SF3B3: variants seen among roughly 807,000 people sequenced by gnomAD.
SF3B3 encodes SAP 130.
A neutral mutation model predicts 139.2 loss-of-function variants in SF3B3; 33 were observed. The observed-to-expected ratio is 0.24, with a 90% CI of 0.18 to 0.32. The LOEUF is 0.32. Among genes scored for constraint, SF3B3 ranks in the 10% least tolerant of loss-of-function variants. SF3B3 has a pLI of 1.00. For synonymous variants in SF3B3, 596 were observed against 563.6 expected (o/e 1.06, Z -0.81); for missense variants, 818 against 1,509.4 (o/e 0.54, Z 7.59).
intron 5 of SF3B3, among the ~76,000 whole-genome samples, chr16:70,533,655 A>G (rs183393997): frequency 1.3e-3 from 192 of 152,392 alleles, no homozygotes; most frequent in South Asian, 3.1e-3. Context: ...CTAAATGAGT[A>G]CAGCTACATT....
chr16:70,524,132 T>C lies in SF3B3; in HGVS notation c.-71+204T>C, dbSNP rs921871479. 26 of 361,522 alleles carry C rather than the reference T, an allele frequency of 7.2e-5. No individual in the cohort carries two copies. In the Admixed American group the frequency reaches 8.8e-4, roughly 12 times the overall value. The allele number at this position is 361,522 out of a possible 1,614,324, so 22.4% of individuals were successfully genotyped here. A position where few individuals can be genotyped will look rare whatever the true frequency, so the allele number is the denominator to read the frequency against. On this transcript the variant is annotated intron_variant, in intron 1 of 25. Transcript: ENST00000302516. ...CTTCCATCCACAGTGTGGGAACATA[T>C]TCTATCTCAAAATAGGGCTCGTGGA... is the stretch of plus-strand genomic sequence containing the variant.
intron 15 of SF3B3, among the ~76,000 whole-genome samples, chr16:70,560,024 T>C (rs2050414549): frequency 6.6e-6 from 1 of 152,228 alleles, no homozygotes; most frequent in South Asian, 2.1e-4. Flanking sequence ...GGGGTTTCCT[T>C]GCCTTGTTGC....
At chr16:70,537,997 G>T (rs558750731) in intron 6 of SF3B3, 65 of 543,784 alleles carry the variant, frequency 1.2e-4, no homozygotes, top group Non-Finnish European at 2.2e-4. Context: ...GGATGGAGCA[G>T]TGTTTCACAG....
At chr16:70,524,489 A>G (rs2050031219) in intron 1 of SF3B3, 1 of 152,286 alleles carries the variant, frequency 6.6e-6, no homozygotes, top group Non-Finnish European at 1.5e-5. Context: ...AATGGTAAAC[A>G]GACGTGGGGG....
chr16:70,524,399 G>T (rs993919002), intron 1 of SF3B3, among the ~76,000 whole-genome samples: 1 of 152,230 alleles, frequency 6.6e-6, no homozygotes, highest in African/African-American at 2.4e-5. Flanking sequence ...TTGCGTAATG[G>T]AGGACAGAGT....
At chr16:70,527,676 A>G (rs1308615701) in intron 2 of SF3B3, among the ~76,000 whole-genome samples, 2 of 152,236 alleles carry the variant, frequency 1.3e-5, no homozygotes, top group Non-Finnish European at 2.9e-5. Flanking sequence ...TGACTTCACT[A>G]TGTAATGCAA....
intron 15 of SF3B3, among the ~76,000 whole-genome samples, chr16:70,559,825 G>T (rs1397794871): frequency 6.6e-6 from 1 of 151,106 alleles, no homozygotes; most frequent in Non-Finnish European, 1.5e-5. Context: ...TTGGTCTTTA[G>T]CTCTTGGCCT....
chr16:70,570,893 C>T (rs911940913), intron 24 of SF3B3, among the ~76,000 whole-genome samples: 1 of 152,220 alleles, frequency 6.6e-6, no homozygotes, highest in Non-Finnish European at 1.5e-5. Context: ...TTCTCTCTTG[C>T]ACTGCAGACA....
intron 4 of SF3B3, 26 bp from the exon 5 acceptor site, chr16:70,532,453 A>G: frequency 6.2e-7 from 1 of 1,607,936 alleles, no homozygotes; most frequent in Non-Finnish European, 8.5e-7. Flanking sequence ...GCTGATGATT[A>G]GTTTTTATGC....
chr16:70,525,434 G>A (rs1055459080), intron 1 of SF3B3, among the ~76,000 whole-genome samples: 4 of 152,076 alleles, frequency 2.6e-5, no homozygotes, highest in African/African-American at 9.7e-5. Flanking sequence ...CTAGATTTGG[G>A]AAAAAATGAA....
rs1567429434 is a variant in SF3B3, at chr16:70,575,001, G to A, written c.*3188G>A. On this transcript the variant is annotated 3_prime_UTR_variant, in exon 26 of 26. Coordinates refer to ENST00000302516, the MANE Select transcript of SF3B3 (RefSeq NM_012426.5). ...TCACAACGGAGGAAAGGAATAGATG[G>A]CTCTCGAGGACAAGATAGGGACTCT... The A allele has an allele frequency of 6.6e-6, 1 of 152,062 alleles. No homozygotes were observed. The highest frequency in any genetic ancestry group is 2.4e-5 in the African/African-American group (1 of 41,400). 9.4% of individuals were successfully genotyped at this position (152,062 alleles called of 1,614,324 possible). A position where few individuals can be genotyped will look rare whatever the true frequency, so the allele number is the denominator to read the frequency against.
chr16:70,532,369 A>AAAAAAAAAAT, intron 4 of SF3B3, 110 bp from the exon 5 acceptor site: 2 of 880,798 alleles, frequency 2.3e-6, no homozygotes, highest in Non-Finnish European at 3.5e-6. Flanking sequence ...AAAAAAAAAG[A>AAAAAAAAAAT]AGACATTTGT....
chr16:70,555,141 G>A lies in SF3B3; in HGVS notation c.1645G>A (p.Val549Met), dbSNP rs770113076. 6.2e-7 allele frequency: 1 copy of A among 1,614,140 alleles called. No homozygotes were observed. The highest frequency in any genetic ancestry group is 8.5e-7 in the Non-Finnish European group (1 of 1,179,964). ...AAAGAAAACAATTGTGAAGTGTGCA[G>A]TGAACCAGCGACAAGTGGTGATTGC... ...PGKKTIVKCAVNQRQVVIALT... is the reference protein window; with the variant it reads ...PGKKTIVKCAMNQRQVVIALT... Residue 549 changes from valine (V) to methionine (M), a missense_variant, in exon 13 of 26, where the codon GTG (valine) becomes ATG (methionine). Val to Met is a conservative substitution (Grantham distance 21, BLOSUM62 1). Coordinates refer to ENST00000302516, the MANE Select transcript of SF3B3 (RefSeq NM_012426.5).
At chr16:70,548,855 T>G (rs1391344046) in intron 11 of SF3B3, among the ~76,000 whole-genome samples, 1 of 152,194 alleles carries the variant, frequency 6.6e-6, no homozygotes, top group Non-Finnish European at 1.5e-5. Context: ...GTTCTAGGAA[T>G]TAAGAGATTT....
In SF3B3 at chr16:70,576,626, A is replaced by G. The variant is rs2151798360; in HGVS notation, c.*4813A>G. On this transcript the variant is annotated 3_prime_UTR_variant, in exon 26 of 26. Coordinates refer to ENST00000302516, the MANE Select transcript of SF3B3 (RefSeq NM_012426.5). ...TAGGGCCTCCAGCTGTTATGAGGAC[A>G]CACTGGGGAATCTCAGCTTTAGGGA... 6.6e-6 allele frequency: 1 copy of G among 152,356 alleles called. No homozygotes were observed. The highest frequency in any genetic ancestry group is 2.1e-4 in the South Asian group (1 of 4,826). The allele number at this position is 152,356 out of a possible 1,614,324, so 9.4% of individuals were successfully genotyped here.
In SF3B3 at chr16:70,565,123, C is replaced by T. The variant is rs2050463423; in HGVS notation, c.2522C>T (p.Ala841Val). The change falls in exon 19 of 26, where the codon GCA becomes GTA. Residue 841 changes from alanine (A) to valine (V), a missense_variant. By Grantham distance (64) the Ala-to-Val change is moderately conservative. Coordinates refer to ENST00000302516, the MANE Select transcript of SF3B3 (RefSeq NM_012426.5). ...GAGCTGGCCGCAGAGATGGCAGCAG[C>T]ATTCCTCAATGAAAACCTCCCTGAA... ...ERELAAEMAAAFLNENLPESI... is the reference protein window; with the variant it reads ...ERELAAEMAAVFLNENLPESI... 6 of 1,614,112 alleles carry T rather than the reference C, an allele frequency of 3.7e-6. 1 individual carries two copies. In the South Asian group the frequency reaches 5.5e-5, roughly 15 times the overall value.
intron 23 of SF3B3, chr16:70,569,766 A>G (rs1392228443): frequency 4.4e-6 from 2 of 454,914 alleles, no homozygotes; most frequent in Non-Finnish European, 7.9e-6. Context: ...AGTAGCTGAG[A>G]CTATAGTACA....
rs924740767 is a variant in SF3B3, at chr16:70,577,528, C to G, written c.*5715C>G. 1 of 152,178 alleles carries G rather than the reference C, an allele frequency of 6.6e-6. No individual in the cohort carries two copies. Among genetic ancestry groups the G allele is most frequent in the African/African-American group, 2.4e-5 (1 of 41,444 alleles). The allele number at this position is 152,178 out of a possible 1,614,324, so 9.4% of individuals were successfully genotyped here. On this transcript the variant is annotated 3_prime_UTR_variant, in exon 26 of 26. Transcript: ENST00000302516. ...GGGTGAGGAGTTAGCCTGGAACATTCCAGCGTGGGCATTATTGTCCTGTTG... is the reference window on the plus strand; with the variant it reads ...GGGTGAGGAGTTAGCCTGGAACATTGCAGCGTGGGCATTATTGTCCTGTTG...
chr16:70,526,689 C>G lies in SF3B3; in HGVS notation c.33C>G (p.Ala11=). The stretch of plus-strand genomic sequence containing the variant: ...TGTACAACTTAACCTTGCAGAGAGC[C>G]ACTGGCATCAGCTTTGCCATTCATG... The part of the protein sequence containing the change: MFLYNLTLQR[A]TGISFAIHGN... Residue 11 remains alanine, a synonymous_variant, in exon 2 of 26, where the codon GCC becomes GCG. Coordinates refer to ENST00000302516, the MANE Select transcript of SF3B3 (RefSeq NM_012426.5). 1 of 1,614,116 alleles carries G rather than the reference C, an allele frequency of 6.2e-7. No homozygotes were observed.
Sources: gnomAD v4.1 joint callset for allele counts (sites outside exome capture counted in the v4.1 genomes callset) on GRCh38, gnomAD v4.1.1 for gene constraint, MANE v1.5 for transcripts, NCBI Gene and HGNC (gene_info 2026-07-23, HGNC 2026-07-21) for gene names.